The following GRID2 variants were observed in gnomAD, a reference collection of about 807,000 sequenced individuals.
The protein encoded by GRID2 is glutamate ionotropic receptor delta type subunit 2.
GRID2 carries 33 observed loss-of-function variants against 114.8 expected under a neutral mutation model. The observed-to-expected ratio is 0.29, with a 90% CI of 0.22 to 0.38. The LOEUF (loss-of-function observed/expected upper bound fraction) is 0.38, where lower values mean the gene tolerates loss of function less well. GRID2 is among the 10% of genes least tolerant of loss of function. The pLI is 1.00. For missense variants in GRID2, 1,184 were observed against 1,257.7 expected, an observed-to-expected ratio of 0.94 and a Z score of 0.89; for synonymous variants, 505 against 449.9, an observed-to-expected ratio of 1.12 and a Z score of -1.55.
intron 1 of GRID2, among the ~76,000 whole-genome samples, chr4:92,415,705 CATGT>C (rs1286217405): frequency 8.2e-6 from 1 of 121,398 alleles, no homozygotes; most frequent in Non-Finnish European, 1.7e-5. Context: ...TGTGCATGCG[CATGT>C]ATGTGTGTGT....
intron 1 of GRID2, among the ~76,000 whole-genome samples, chr4:92,417,984 C>T (rs1031761076): frequency 1.1e-4 from 17 of 152,246 alleles, no homozygotes; most frequent in African/African-American, 3.9e-4. Context: ...GACTCCCCAG[C>T]CATGTGGAAC....
chr4:93,466,598 G>A (rs1337093068), intron 11 of GRID2, among the ~76,000 whole-genome samples: 1 of 152,058 alleles, frequency 6.6e-6, no homozygotes, highest in South Asian at 2.1e-4. Flanking sequence ...CCATGGAAAG[G>A]GGCAGTAACT....
intron 14 of GRID2, among the ~76,000 whole-genome samples, chr4:93,708,985 ACACTT>A (rs1438268495): frequency 3.9e-5 from 6 of 152,122 alleles, no homozygotes; most frequent in Non-Finnish European, 5.9e-5. Flanking sequence ...AATGAAAACT[ACACTT>A]TAACTTCATC....
chr4:92,964,893 C>T (rs1753040187), intron 2 of GRID2, among the ~76,000 whole-genome samples: 1 of 152,016 alleles, frequency 6.6e-6, no homozygotes, highest in Non-Finnish European at 1.5e-5. Flanking sequence ...TGTTTTCTCA[C>T]CATCCGTGTG....
At chr4:92,361,283 T>A (rs887510348) in intron 1 of GRID2, among the ~76,000 whole-genome samples, 1 of 152,026 alleles carries the variant, frequency 6.6e-6, no homozygotes, top group African/African-American at 2.4e-5. Context: ...TACATGTTCC[T>A]ACTAAACTCT....
intron 2 of GRID2, among the ~76,000 whole-genome samples, chr4:93,060,373 G>C (rs1017559554): frequency 6.6e-6 from 1 of 152,114 alleles, no homozygotes; most frequent in Non-Finnish European, 1.5e-5. Flanking sequence ...CTGACTGCCT[G>C]CTATATTCTG....
exon 2 of GRID2, chr4:93,809,957 C>G (rs562340923): frequency 1.3e-5 from 2 of 152,468 alleles, no homozygotes; most frequent in South Asian, 2.1e-4. Flanking sequence ...CAGCAAAGAG[C>G]AGGCCCAAGC....
chr4:93,085,493 C>T (rs1730258535), intron 3 of GRID2, among the ~76,000 whole-genome samples: 1 of 152,036 alleles, frequency 6.6e-6, no homozygotes, highest in Admixed American at 6.6e-5. Flanking sequence ...ATATAAATAC[C>T]TGTACCTACT....
chr4:93,558,237 C>G (rs1385656625), intron 13 of GRID2, among the ~76,000 whole-genome samples: 1 of 151,954 alleles, frequency 6.6e-6, no homozygotes, highest in East Asian at 1.9e-4. Flanking sequence ...TAACTAAGAT[C>G]AGAGCACAAC....
At chr4:93,720,181 C>T (rs1729231882) in intron 14 of GRID2, among the ~76,000 whole-genome samples, 1 of 152,084 alleles carries the variant, frequency 6.6e-6, no homozygotes, top group Non-Finnish European at 1.5e-5. Flanking sequence ...CAAATGAGTA[C>T]ATATTAAGAA....
intron 2 of GRID2, among the ~76,000 whole-genome samples, chr4:92,943,215 C>G (rs1017838492): frequency 6.6e-6 from 1 of 152,166 alleles, no homozygotes; most frequent in South Asian, 2.1e-4. Flanking sequence ...ACCAATCAGA[C>G]ATAGATTTGG....
chr4:92,501,253 T>C (rs1052967019), intron 1 of GRID2, among the ~76,000 whole-genome samples: 1 of 152,172 alleles, frequency 6.6e-6, no homozygotes. Context: ...TGGCAAGGAA[T>C]AAAGTGAGTG....
Position 92,323,068 on chromosome 4 carries a change from C to A in GRID2, c.88+18324C>A, listed in dbSNP as rs541981447. Among the ~76,000 whole-genome samples, 26 of 152,088 alleles carry A rather than the reference C, an allele frequency of 1.7e-4. No homozygotes were observed. The South Asian group carries it at 2.5e-3, about 15-fold the overall frequency. On this transcript the variant is annotated intron_variant, in intron 1 of 15. Coordinates refer to ENST00000282020, the MANE Select transcript of GRID2 (RefSeq NM_001510.4). ...ATGAATTCATACCCAACCTCAAATG[C>A]TTTTACAAGTATTCTCACATGGAGT...
intron 2 of GRID2, among the ~76,000 whole-genome samples, chr4:92,722,368 G>A (rs891377833): frequency 6.6e-6 from 1 of 152,072 alleles, no homozygotes; most frequent in African/African-American, 2.4e-5. Context: ...CAGAGTGGGA[G>A]CCTTACCTCA....
intron 2 of GRID2, among the ~76,000 whole-genome samples, chr4:92,912,696 T>G (rs976182340): frequency 3.3e-5 from 5 of 151,886 alleles, no homozygotes; most frequent in African/African-American, 1.2e-4. Flanking sequence ...AATTTTGTGA[T>G]ATTATTTAAT....
chr4:93,491,974 C>T (rs776911288), intron 12 of GRID2, among the ~76,000 whole-genome samples: 3 of 151,812 alleles, frequency 2.0e-5, no homozygotes, highest in Non-Finnish European at 4.4e-5. Context: ...AATCATGCTG[C>T]TCAAGTTGTT....
At chr4:93,754,971 C>G (rs1732618352) in intron 14 of GRID2, among the ~76,000 whole-genome samples, 1 of 152,170 alleles carries the variant, frequency 6.6e-6, no homozygotes. Context: ...TATCAAGCCT[C>G]TTCTCTGAGT....
intron 4 of GRID2, among the ~76,000 whole-genome samples, chr4:93,149,247 A>C (rs1736522755): frequency 6.6e-6 from 1 of 152,192 alleles, no homozygotes; most frequent in African/African-American, 2.4e-5. Context: ...AAGGGAACCT[A>C]GGACAACAAG....
intron 1 of GRID2, among the ~76,000 whole-genome samples, chr4:92,446,214 T>A (rs1186298574): frequency 6.6e-6 from 1 of 152,200 alleles, no homozygotes; most frequent in Non-Finnish European, 1.5e-5. Context: ...CCCAAAGTGC[T>A]GGGATTACAG....
Sources: gnomAD v4.1 joint callset for allele counts (sites outside exome capture counted in the v4.1 genomes callset) on GRCh38, gnomAD v4.1.1 for gene constraint, MANE v1.5 for transcripts, NCBI Gene and HGNC (gene_info 2026-07-23, HGNC 2026-07-21) for gene names.